The following MSS51 variants were observed in gnomAD, a reference collection of about 807,000 sequenced individuals.
MSS51 encodes MSS51 mitochondrial translational activator, also known as putative protein MSS51 homolog, mitochondrial.
A neutral mutation model predicts 40.2 loss-of-function variants in MSS51; 32 were observed. The ratio of observed to expected loss-of-function variants is 0.80; its 90% CI spans 0.60 to 1.07. MSS51 has a LOEUF of 1.07. Among genes scored for constraint, MSS51 ranks in the 50% least tolerant of loss-of-function variants. The probability of loss-of-function intolerance (pLI) is 0.00; values close to 1 mark genes in which losing one functional copy is unlikely to be tolerated. For missense variants in MSS51, 518 were observed against 568.9 expected, an observed-to-expected ratio of 0.91 and a Z score of 0.91; for synonymous variants, 178 against 214.2, an observed-to-expected ratio of 0.83 and a Z score of 1.48.
chr10:73,426,401 G>T (rs374816146), intron 4 of MSS51, 24 bp from the exon 5 acceptor site: 31 of 1,595,806 alleles, frequency 1.9e-5, no homozygotes, highest in Non-Finnish European at 2.5e-5. Context: ...GAAATAAGAA[G>T]TAACCTAATG....
chr10:73,424,892 G>C, intron 6 of MSS51, 120 bp from the exon 7 acceptor site: 1 of 859,266 alleles, frequency 1.2e-6, no homozygotes. Context: ...GGCTGGACTA[G>C]GCAAGGGCTA....
At chr10:73,426,826 T>C (rs1046184794) in intron 3 of MSS51, 95 bp from the exon 4 acceptor site, 45 of 1,445,094 alleles carry the variant, frequency 3.1e-5, no homozygotes, top group Non-Finnish European at 4.1e-5. Flanking sequence ...GGATGGTGAA[T>C]GGGTAAGGAA....
chr10:73,429,602 A>G (rs2056013262), intron 1 of MSS51: 1 of 456,568 alleles, frequency 2.2e-6, no homozygotes, highest in Non-Finnish European at 4.4e-6. Flanking sequence ...TTGAGGTAGA[A>G]GTAAGCCTAC....
In MSS51 at chr10:73,424,585, G is replaced by A; in HGVS notation, c.1351C>T (p.Gln451Ter). The A allele has an allele frequency of 6.2e-7, 1 of 1,613,906 alleles. No individual in the cohort carries two copies. The highest frequency in any genetic ancestry group is 2.2e-5 in the East Asian group (1 of 44,884). ...LGSSCQLDNR[Q>*]LEEKVDGGI ...CCGCCGTCCACTTTCTCTTCTAATT[G>A]CCTATTATCCAGCTGACAGGAGCTT... The change falls in exon 7 of 7, where the codon CAA becomes TAA. Residue 451 changes from glutamine (Q) to a stop codon, truncating the protein, a stop_gained. Transcript: ENST00000299432. LOFTEE classifies it high-confidence loss of function.
intron 5 of MSS51, 47 bp from the exon 6 acceptor site, chr10:73,425,238 C>T (rs764995084): frequency 2.7e-5 from 34 of 1,263,634 alleles, no homozygotes; most frequent in Non-Finnish European, 3.7e-5. Context: ...CTAAAGCAGA[C>T]CCTAAGAGCA....
intron 6 of MSS51, 128 bp from the exon 7 acceptor site, chr10:73,424,900 C>T: frequency 1.2e-6 from 1 of 807,026 alleles, no homozygotes; most frequent in Non-Finnish European, 2.0e-6. Flanking sequence ...TAGGCAAGGG[C>T]TATCTTTCCC....
At chr10:73,424,860 A>G (rs1419874029) in intron 6 of MSS51, 88 bp from the exon 7 acceptor site, 4 of 1,117,270 alleles carry the variant, frequency 3.6e-6, no homozygotes, top group Non-Finnish European at 2.7e-6. Context: ...TTCTGTAATC[A>G]CCCATCCCCC....
At position 73,424,189 on chromosome 10, in the gene MSS51, G is replaced by A; in HGVS notation, c.*364C>T. The stretch of plus-strand genomic sequence containing the variant: ...GGGTCAAGGGTTTGATACGAGCCTG[G>A]CCAACATGGTGAAACCCTGTCTGCT... On this transcript the variant is annotated 3_prime_UTR_variant, in exon 7 of 7. Coordinates refer to ENST00000299432, the MANE Select transcript of MSS51 (RefSeq NM_001024593.2). The A allele has an allele frequency of 4.4e-6, 1 of 225,000 alleles. No homozygotes were observed. The highest frequency in any genetic ancestry group is 6.6e-5 in the South Asian group (1 of 15,196). The allele number at this position is 225,000 out of a possible 1,614,324, so 13.9% of individuals were successfully genotyped here.
At chr10:73,426,541 G>A (rs1395371282) in intron 4 of MSS51, 66 bp downstream of exon 4, 1 of 1,608,810 alleles carries the variant, frequency 6.2e-7, no homozygotes, top group East Asian at 2.2e-5. Flanking sequence ...ATATGATTTT[G>A]TATCTTCCTT....
chr10:73,430,228 A>T (rs995150584), intron 1 of MSS51, among the ~76,000 whole-genome samples: 9 of 152,212 alleles, frequency 5.9e-5, no homozygotes, highest in African/African-American at 1.9e-4. Flanking sequence ...CCAAAAGCAC[A>T]GGCAACACCA....
intron 1 of MSS51, among the ~76,000 whole-genome samples, chr10:73,432,132 G>A (rs995036195): frequency 6.6e-6 from 1 of 152,138 alleles, no homozygotes; most frequent in African/African-American, 2.4e-5. Context: ...TCCACCTCCC[G>A]GGTTCAAGTG....
rs777972417 is a variant in MSS51 at position 73,426,366 on chromosome 10, GA to G, written c.513del (p.Leu172TyrfsTer22). The G allele has an allele frequency of 3.7e-6, 6 of 1,601,444 alleles. No individual in the cohort carries two copies. The highest frequency in any genetic ancestry group is 5.1e-6 in the Non-Finnish European group (6 of 1,179,670). On this transcript the variant is annotated frameshift_variant, in exon 5 of 7. Coordinates refer to ENST00000299432, the MANE Select transcript of MSS51 (RefSeq NM_001024593.2). LOFTEE classifies it high-confidence loss of function. ...MEWLLVTGDF[V>X]LPSGPWPWPP... ...GGCCATGGCCAAGGTCCTGAGGGTA[GA>G]ACAAAATCACCTGTAGGAAAGAAGA...
chr10:73,433,215 T>C (rs947439895), intron 1 of MSS51, among the ~76,000 whole-genome samples: 35 of 152,126 alleles, frequency 2.3e-4, no homozygotes, highest in African/African-American at 8.4e-4. Flanking sequence ...AGTCCCAAGT[T>C]TCACCTAAAC....
chr10:73,427,907 G>T (rs1160472638), intron 2 of MSS51, 139 bp from the exon 3 acceptor site: 3 of 1,226,196 alleles, frequency 2.4e-6, no homozygotes, highest in African/African-American at 3.0e-5. Context: ...TTAAGTGAAT[G>T]TTTCTTCTTT....
chr10:73,424,889 C>G (rs1201008182), intron 6 of MSS51, 117 bp from the exon 7 acceptor site: 95 of 882,982 alleles, frequency 1.1e-4, no homozygotes, highest in Non-Finnish European at 1.7e-4. Context: ...TAAGGCTGGA[C>G]TAGGCAAGGG....
chr10:73,425,758 T>C, intron 5 of MSS51, 53 bp downstream of exon 5: 2 of 1,495,752 alleles, frequency 1.3e-6, no homozygotes, highest in South Asian at 1.3e-5. Context: ...AGATTCAGGA[T>C]GGAAAATTCT....
intron 1 of MSS51, among the ~76,000 whole-genome samples, chr10:73,432,193 C>T (rs1300557988): frequency 6.6e-6 from 1 of 152,160 alleles, no homozygotes; most frequent in African/African-American, 2.4e-5. Context: ...CTCGCGCCAC[C>T]ATGCCCAGCT....
In MSS51 at chr10:73,426,726, C is replaced by A; in HGVS notation, c.383G>T (p.Arg128Ile). 1 of 1,613,950 alleles carries A rather than the reference C, an allele frequency of 6.2e-7. No homozygotes were observed. The highest frequency in any genetic ancestry group is 1.1e-5 in the South Asian group (1 of 91,040). Reference protein sequence around the residue: ...SKVLRHCKRCRNVYYCGPECQ... With the variant: ...SKVLRHCKRCINVYYCGPECQ... ...CTCTGGACCACAGTAATAGACATTT[C>A]TGCACCTGAGAGAATGAGAGAGAAA... The change falls in exon 4 of 7, where the codon AGA becomes ATA. Residue 128 changes from arginine (R) to isoleucine (I), a missense_variant. By Grantham distance (97) the Arg-to-Ile change is moderately conservative. Coordinates refer to ENST00000299432, the MANE Select transcript of MSS51 (RefSeq NM_001024593.2).
intron 5 of MSS51, among the ~76,000 whole-genome samples, 194 bp downstream of exon 5, chr10:73,425,617 G>A (rs1377671327): frequency 2.7e-5 from 4 of 148,602 alleles, no homozygotes; most frequent in African/African-American, 7.5e-5. Context: ...AGCCGAGATC[G>A]CGCCACTGCA....
Sources: gnomAD v4.1 joint callset for allele counts (sites outside exome capture counted in the v4.1 genomes callset) on GRCh38, gnomAD v4.1.1 for gene constraint, MANE v1.5 for transcripts, NCBI Gene and HGNC (gene_info 2026-07-23, HGNC 2026-07-21) for gene names.